Variants in PICALM observed in about 807,000 individuals in gnomAD.
The protein encoded by PICALM is phosphatidylinositol-binding clathrin assembly protein.
Under a neutral mutation model 80.5 loss-of-function variants are expected in PICALM, and 40 were observed. That is an observed-to-expected ratio of 0.50 (90% CI 0.39 to 0.65). The LOEUF is 0.65. Among genes scored for constraint, PICALM ranks in the 30% least tolerant of loss-of-function variants. The pLI is 0.00. For missense variants in PICALM, 676 were observed against 778.9 expected, an observed-to-expected ratio of 0.87 and a Z score of 1.57; for synonymous variants, 288 against 260.3, an observed-to-expected ratio of 1.11 and a Z score of -1.02.
intron 1 of PICALM, among the ~76,000 whole-genome samples, chr11:86,053,520 T>C (rs1211589676): frequency 1.3e-5 from 2 of 152,226 alleles, no homozygotes; most frequent in South Asian, 4.1e-4. Flanking sequence ...AGTTTTATTT[T>C]AACAAGACTC....
chr11:86,066,644 C>A (rs2096452025), intron 1 of PICALM, among the ~76,000 whole-genome samples: 1 of 151,352 alleles, frequency 6.6e-6, no homozygotes, highest in African/African-American at 2.4e-5. Context: ...AGACACAAAC[C>A]TTTACAAAAA....
At chr11:85,982,893 A>C (rs1402804958) in intron 14 of PICALM, among the ~76,000 whole-genome samples, 1 of 152,212 alleles carries the variant, frequency 6.6e-6, no homozygotes, top group Admixed American at 6.5e-5. Context: ...AAGAAAATCC[A>C]ATCAAACAAA....
chr11:86,000,894 C>T, intron 10 of PICALM, 115 bp from the exon 11 acceptor site: 2 of 1,482,174 alleles, frequency 1.3e-6, no homozygotes, highest in Non-Finnish European at 1.8e-6. Flanking sequence ...TTACCTAATT[C>T]TATGTCAGGA....
At chr11:86,053,109 C>T (rs1158008452) in intron 1 of PICALM, among the ~76,000 whole-genome samples, 1 of 152,190 alleles carries the variant, frequency 6.6e-6, no homozygotes, top group Non-Finnish European at 1.5e-5. Context: ...ATCTACCCTA[C>T]TAGACTGAGG....
chr11:86,014,592 C>T lies in PICALM; in HGVS notation c.546+278G>A, dbSNP rs529594052. Among the ~76,000 whole-genome samples the T allele has an allele frequency of 1.9e-3, 283 of 152,168 alleles. 1 individual carries two copies. The highest frequency in any genetic ancestry group is 6.4e-3 in the African/African-American group (266 of 41,544). On this transcript the variant is annotated intron_variant, in intron 5 of 19. Coordinates refer to ENST00000393346, the MANE Select transcript of PICALM (RefSeq NM_007166.4). ...CTGTACATTTTCAAGATCTAAAAGC[C>T]ATTATCAAAAGAAAATATATTTTCA...
At chr11:85,969,422 G>A (rs535186369) in intron 19 of PICALM, among the ~76,000 whole-genome samples, 1 of 152,082 alleles carries the variant, frequency 6.6e-6, no homozygotes, top group East Asian at 1.9e-4. Flanking sequence ...CATTTTGATG[G>A]AATTTCATTT....
chr11:86,058,293 A>T (rs1453997696), intron 1 of PICALM, among the ~76,000 whole-genome samples: 5 of 152,206 alleles, frequency 3.3e-5, no homozygotes, highest in Admixed American at 3.3e-4. Flanking sequence ...ATCACGTGGG[A>T]CCTATAATCA....
rs1435871246 is a variant in PICALM, at chr11:86,000,695, T to C, written c.1102A>G (p.Ile368Val). The part of the protein sequence containing the change: ...ASPVSTSAGG[I>V]MTAPAIDIFS... ...ATGTCAATGGCTGGTGCAGTCATTA[T>C]CCCTCCTGCTGAGGTGGATACAGGA... The change falls in exon 11 of 20, where the codon ATA becomes GTA. Residue 368 changes from isoleucine to valine, a missense_variant. Ile to Val is a conservative substitution (Grantham distance 29, BLOSUM62 3). Coordinates refer to ENST00000393346, the MANE Select transcript of PICALM (RefSeq NM_007166.4). The C allele has an allele frequency of 2.5e-6, 4 of 1,611,958 alleles. No homozygotes were observed. Among genetic ancestry groups the C allele is most frequent in the Non-Finnish European group, 3.4e-6 (4 of 1,179,222 alleles).
At chr11:86,012,418 T>C (rs2095414476) in intron 5 of PICALM, 26 bp from the exon 6 acceptor site, 1 of 1,254,124 alleles carries the variant, frequency 8.0e-7, no homozygotes, top group Non-Finnish European at 1.2e-6. Context: ...AAAATAAAAT[T>C]AGCTAATCTT....
chr11:86,064,651 TA>T (rs11403335), intron 1 of PICALM, among the ~76,000 whole-genome samples: 239 of 127,112 alleles, frequency 1.9e-3, no homozygotes, highest in Middle Eastern at 4.1e-3. Context: ...CACCTCATTT[TA>T]AAAAAAAAAA....
chr11:86,010,709 T>C (rs1186465743), intron 7 of PICALM, among the ~76,000 whole-genome samples: 1 of 152,184 alleles, frequency 6.6e-6, no homozygotes, highest in Non-Finnish European at 1.5e-5. Context: ...CATTTAACAA[T>C]AAACATTCTC....
chr11:85,969,562 G>A, intron 19 of PICALM: 1 of 263,146 alleles, frequency 3.8e-6, no homozygotes, highest in Non-Finnish European at 7.9e-6. Context: ...AATTCATTAA[G>A]AAAAATCTTT....
At chr11:86,035,003 T>C (rs1399378981) in intron 1 of PICALM, among the ~76,000 whole-genome samples, 1 of 152,144 alleles carries the variant, frequency 6.6e-6, no homozygotes, top group Non-Finnish European at 1.5e-5. Context: ...CACTAAAACA[T>C]ACAGCAAGTA....
chr11:85,982,315 C>G (rs1467697902), intron 14 of PICALM: 1 of 215,276 alleles, frequency 4.6e-6, no homozygotes, highest in African/African-American at 2.3e-5. Context: ...GCTAGCCCAG[C>G]AAAATTTTCT....
At chr11:86,010,986 G>T in intron 7 of PICALM, 44 bp downstream of exon 7, 1 of 823,754 alleles carries the variant, frequency 1.2e-6, no homozygotes, top group South Asian at 1.5e-5. Context: ...CATACTTACA[G>T]ACAAAAAGGC....
intron 1 of PICALM, among the ~76,000 whole-genome samples, chr11:86,052,369 T>C (rs999509354): frequency 1.3e-5 from 2 of 152,250 alleles, no homozygotes; most frequent in African/African-American, 4.8e-5. Flanking sequence ...TGTTTCTTCA[T>C]AGCAGCACGA....
chr11:85,999,739 G>C (rs1316978294), intron 11 of PICALM, among the ~76,000 whole-genome samples: 3 of 152,190 alleles, frequency 2.0e-5, no homozygotes, highest in Non-Finnish European at 4.4e-5. Flanking sequence ...TTAAGGGTGA[G>C]TTAATAAACA....
intron 2 of PICALM, among the ~76,000 whole-genome samples, chr11:86,030,074 A>T (rs976352908): frequency 2.6e-5 from 4 of 152,210 alleles, no homozygotes; most frequent in African/African-American, 9.7e-5. Context: ...ATAGTTTAAA[A>T]ATTGTGAACT....
chr11:86,041,508 A>C (rs1319822671), intron 1 of PICALM, among the ~76,000 whole-genome samples: 2 of 151,900 alleles, frequency 1.3e-5, no homozygotes, highest in Non-Finnish European at 2.9e-5. Flanking sequence ...TTTGTGGCAG[A>C]GGAAAGATGA....
Sources: allele counts gnomAD v4.1 joint callset (sites outside exome capture counted in the v4.1 genomes callset), GRCh38; gene constraint gnomAD v4.1.1; transcripts MANE v1.5; gene names NCBI Gene and HGNC (gene_info 2026-07-23, HGNC 2026-07-21).